Variants in ADGRL2 observed in about 807,000 individuals in gnomAD.
ADGRL2 encodes calcium-independent alpha-latrotoxin receptor 2.
Under a neutral mutation model 157.4 loss-of-function variants are expected in ADGRL2, and 44 were observed. That is an observed-to-expected ratio of 0.28 (90% CI 0.22 to 0.36). The LOEUF (loss-of-function observed/expected upper bound fraction) is 0.36, where lower values mean the gene tolerates loss of function less well. Among genes scored for constraint, ADGRL2 ranks in the 10% least tolerant of loss-of-function variants. ADGRL2 has a pLI of 1.00. For synonymous variants in ADGRL2, 585 were observed against 624.7 expected, an observed-to-expected ratio of 0.94 and a Z score of 0.95; for missense variants, 1,510 against 1,768.9, an observed-to-expected ratio of 0.85 and a Z score of 2.63.
intron 2 of ADGRL2, among the ~76,000 whole-genome samples, chr1:81,861,920 T>C (rs1276003875): frequency 6.6e-6 from 1 of 152,170 alleles, no homozygotes; most frequent in African/African-American, 2.4e-5. Flanking sequence ...TGAATTTGCT[T>C]GGTTTAGTCC....
intron 3 of ADGRL2, among the ~76,000 whole-genome samples, chr1:81,672,756 G>T (rs1397529690): frequency 6.7e-6 from 1 of 148,598 alleles, no homozygotes; most frequent in Non-Finnish European, 1.5e-5. Context: ...TATATTTCTA[G>T]ATTGCCCTAT....
In ADGRL2 at chr1:81,670,859, G is replaced by A. The variant is rs115409416; in HGVS notation, c.-143+89879G>A. ...CCTGTAGTTAGGACTACAGGTACAC[G>A]CCACCATGTCCAGCTAATTTTTGTA... On this transcript the variant is annotated intron_variant, in intron 3 of 24. Transcript: ENST00000370721. Among the ~76,000 whole-genome samples the A allele has an allele frequency of 9.7e-3, 1,479 of 152,144 alleles. 32 individuals carry two copies. Among genetic ancestry groups the A allele is most frequent in the African/African-American group, 0.034 (1,392 of 41,514 alleles).
chr1:81,503,056 C>A, intron 2 of ADGRL2: 1 of 1,610,296 alleles, frequency 6.2e-7, no homozygotes, highest in Non-Finnish European at 8.5e-7. Flanking sequence ...ACTGGAGCAG[C>A]TGCGGGAGCG....
intron 3 of ADGRL2, among the ~76,000 whole-genome samples, chr1:81,594,741 T>G (rs1386645861): frequency 1.3e-5 from 2 of 152,328 alleles, no homozygotes; most frequent in East Asian, 3.9e-4. Flanking sequence ...AAATCCTACC[T>G]TTCAGAAGAA....
chr1:81,307,383 A>T (rs936316209), intron 1 of ADGRL2, among the ~76,000 whole-genome samples: 4 of 152,274 alleles, frequency 2.6e-5, no homozygotes, highest in Middle Eastern at 3.4e-3. Context: ...TATTTTAATC[A>T]CTCCTTAGTC....
intron 4 of ADGRL2, among the ~76,000 whole-genome samples, chr1:81,940,860 A>G (rs1165525061): frequency 6.6e-6 from 1 of 151,490 alleles, no homozygotes; most frequent in African/African-American, 2.4e-5. Context: ...TAAGTATTAG[A>G]ATACGGTTTA....
At chr1:81,453,346 G>A (rs1360438756) in intron 2 of ADGRL2, among the ~76,000 whole-genome samples, 1 of 151,982 alleles carries the variant, frequency 6.6e-6, no homozygotes, top group Non-Finnish European at 1.5e-5. Flanking sequence ...ATGAAAAAAC[G>A]CCGAGAAAAA....
chr1:81,585,065 C>T (rs902563806), intron 3 of ADGRL2, among the ~76,000 whole-genome samples: 3 of 152,060 alleles, frequency 2.0e-5, no homozygotes, highest in African/African-American at 7.2e-5. Context: ...TGTTACTTAC[C>T]TGCAATCAAC....
intron 1 of ADGRL2, among the ~76,000 whole-genome samples, chr1:81,419,932 C>G (rs2077096197): frequency 6.6e-6 from 1 of 152,148 alleles, no homozygotes; most frequent in Non-Finnish European, 1.5e-5. Flanking sequence ...TTTTGGCCTA[C>G]TGTAATTAGT....
chr1:81,662,713 C>T (rs936353052), intron 3 of ADGRL2, among the ~76,000 whole-genome samples: 2 of 150,942 alleles, frequency 1.3e-5, no homozygotes, highest in Non-Finnish European at 2.9e-5. Context: ...CACCACAGTG[C>T]CCGGCTAATT....
At chr1:81,911,702 T>G (rs1367856786) in intron 3 of ADGRL2, among the ~76,000 whole-genome samples, 1 of 152,210 alleles carries the variant, frequency 6.6e-6, no homozygotes, top group Non-Finnish European at 1.5e-5. Flanking sequence ...GAGTTTCACA[T>G]GCATAGTTAG....
intron 2 of ADGRL2, among the ~76,000 whole-genome samples, chr1:81,898,536 T>C (rs1458484563): frequency 1.3e-5 from 2 of 152,180 alleles, no homozygotes; most frequent in East Asian, 1.9e-4. Flanking sequence ...ATTTCTAAAG[T>C]GGATCTAATT....
At chr1:81,334,189 G>T (rs770991257) in intron 1 of ADGRL2, among the ~76,000 whole-genome samples, 6 of 152,156 alleles carry the variant, frequency 3.9e-5, no homozygotes, top group Non-Finnish European at 7.4e-5. Context: ...TGTTTCATCT[G>T]GTTCTACCAC....
At chr1:81,825,725 G>A (rs909703815) in intron 1 of ADGRL2, among the ~76,000 whole-genome samples, 1 of 142,244 alleles carries the variant, frequency 7.0e-6, no homozygotes, top group African/African-American at 2.6e-5. Context: ...AATAATACAT[G>A]TACTTTTGGA....
chr1:81,339,825 G>A (rs1661938922), intron 1 of ADGRL2, among the ~76,000 whole-genome samples: 2 of 151,966 alleles, frequency 1.3e-5, no homozygotes, highest in Admixed American at 6.6e-5. Context: ...TCCTTTCTCT[G>A]ACCTAAAAAT....
At chr1:81,385,492 G>A (rs1189220857) in intron 1 of ADGRL2, among the ~76,000 whole-genome samples, 2 of 152,010 alleles carry the variant, frequency 1.3e-5, no homozygotes, top group African/African-American at 2.4e-5. Flanking sequence ...GGCAGATCAT[G>A]TGACATATTA....
intron 1 of ADGRL2, among the ~76,000 whole-genome samples, chr1:81,378,375 A>T (rs68043590): frequency 0.043 from 6,465 of 151,658 alleles, 250 homozygotes; most frequent in African/African-American, 0.095. Flanking sequence ...ACATAACTAG[A>T]CCGTATCTCT....
chr1:81,960,936 C>A (rs1257007674), intron 11 of ADGRL2, among the ~76,000 whole-genome samples: 3 of 152,182 alleles, frequency 2.0e-5, no homozygotes, highest in Non-Finnish European at 4.4e-5. Flanking sequence ...AGCTCTGCTT[C>A]CTGTCATCTT....
intron 3 of ADGRL2, among the ~76,000 whole-genome samples, chr1:81,603,215 G>A (rs1460669767): frequency 6.6e-6 from 1 of 152,022 alleles, no homozygotes; most frequent in Non-Finnish European, 1.5e-5. Context: ...CTGAAATTCA[G>A]CTTTTCTCTC....
Sources: gnomAD v4.1 joint callset for allele counts (sites outside exome capture counted in the v4.1 genomes callset) on GRCh38, gnomAD v4.1.1 for gene constraint, MANE v1.5 for transcripts, NCBI Gene and HGNC (gene_info 2026-07-23, HGNC 2026-07-21) for gene names.